Variants in PRELID2 observed in about 807,000 individuals in gnomAD.
The protein encoded by PRELID2 is PRELI domain containing 2, also known as PRELI domain-containing protein 2.
PRELID2 carries 25 observed loss-of-function variants against 28.4 expected under a neutral mutation model. The observed-to-expected ratio is 0.88, with a 90% CI of 0.64 to 1.23. PRELID2 has a LOEUF of 1.23. PRELID2 is among the 50% of genes most tolerant of loss of function. The probability of loss-of-function intolerance (pLI) is 0.00; values close to 1 mark genes in which losing one functional copy is unlikely to be tolerated. For missense variants in PRELID2, 201 were observed against 214.4 expected (o/e 0.94, Z 0.39); for synonymous variants, 76 against 71.6 (o/e 1.06, Z -0.31).
the PRELID2 span, among the ~76,000 whole-genome samples, chr5:145,239,112 C>A: frequency 1.3e-4 from 20 of 152,152 alleles, no homozygotes; most frequent in South Asian, 4.1e-4. Context: ...TCTACGAGGG[C>A]AAGTACTAAT....
At chr5:145,509,538 G>A (rs1028852944) in intron 1 of PRELID2, among the ~76,000 whole-genome samples, 1 of 152,148 alleles carries the variant, frequency 6.6e-6, no homozygotes, top group African/African-American at 2.4e-5. Context: ...CAGGGCAAGG[G>A]CCACCCTGCC....
rs567495148 is a variant in PRELID2 at position 145,562,848 on chromosome 5, T to A, written n.71-89533A>T. On this transcript the variant is annotated intron_variant and non_coding_transcript_variant, in intron 1 of 2. Coordinates refer to the PRELID2 transcript ENST00000510259. Reference sequence around the variant, plus strand: ...AAATTTAAACAAAATAAATACATAATTCTGGCACTTTAGGCCAAAGTAGAG... The same window carrying A: ...AAATTTAAACAAAATAAATACATAAATCTGGCACTTTAGGCCAAAGTAGAG... Among the ~76,000 whole-genome samples, 14 of 152,288 alleles carry A rather than the reference T, an allele frequency of 9.2e-5. No homozygotes were observed. The South Asian group carries it at 2.5e-3, about 27-fold the overall frequency.
intron 1 of PRELID2, among the ~76,000 whole-genome samples, chr5:145,829,595 C>A (rs1755448421): frequency 6.6e-6 from 1 of 152,152 alleles, no homozygotes. Context: ...AATCGAGGCA[C>A]AGAAAAATGA....
chr5:145,401,540 T>C, the PRELID2 span, among the ~76,000 whole-genome samples: 1 of 152,146 alleles, frequency 6.6e-6, no homozygotes, highest in East Asian at 1.9e-4. Context: ...TCCTTTAGTG[T>C]AACAAGCTCA....
chr5:145,698,147 G>T (rs1249750632), intron 1 of PRELID2, among the ~76,000 whole-genome samples: 1 of 152,072 alleles, frequency 6.6e-6, no homozygotes, highest in African/African-American at 2.4e-5. Flanking sequence ...AGAAAGTTTA[G>T]ATTTCAATTC....
intron 1 of PRELID2, among the ~76,000 whole-genome samples, chr5:145,657,415 G>A (rs992979070): frequency 6.6e-6 from 1 of 152,308 alleles, no homozygotes; most frequent in South Asian, 2.1e-4. Context: ...AATGAGGATC[G>A]TGGCTCATGC....
At chr5:145,729,200 T>C in intron 1 of PRELID2, 1 of 745,694 alleles carries the variant, frequency 1.3e-6, no homozygotes. Context: ...TGCTCTGGGT[T>C]TCGGAAGCAT....
the PRELID2 span, among the ~76,000 whole-genome samples, chr5:145,328,983 T>G: frequency 2.0e-5 from 3 of 152,202 alleles, no homozygotes; most frequent in Non-Finnish European, 4.4e-5. Flanking sequence ...CAGTTTCAGT[T>G]TTCTGCATAT....
At chr5:145,407,371 G>C in the PRELID2 span, among the ~76,000 whole-genome samples, 53 of 152,024 alleles carry the variant, frequency 3.5e-4, no homozygotes, top group Non-Finnish European at 7.4e-4. Context: ...TATATGATGG[G>C]GCAGAGGCAG....
intron 1 of PRELID2, among the ~76,000 whole-genome samples, chr5:145,746,841 C>CCA (rs1757003813): frequency 6.6e-6 from 1 of 152,162 alleles, no homozygotes; most frequent in Non-Finnish European, 1.5e-5. Flanking sequence ...GTCTCTCAGA[C>CCA]CACAGTGCAA....
At chr5:145,322,102 T>C in the PRELID2 span, among the ~76,000 whole-genome samples, 2 of 152,224 alleles carry the variant, frequency 1.3e-5, no homozygotes. Flanking sequence ...AGCTCTTGGC[T>C]CCTGTCTGTG....
the PRELID2 span, among the ~76,000 whole-genome samples, chr5:145,348,740 T>C: frequency 6.6e-6 from 1 of 152,102 alleles, no homozygotes. Flanking sequence ...TTCTAATTTG[T>C]TCATGCATTT....
At chr5:145,674,424 T>A (rs1056605066) in intron 1 of PRELID2, among the ~76,000 whole-genome samples, 1 of 149,870 alleles carries the variant, frequency 6.7e-6, no homozygotes, top group Non-Finnish European at 1.5e-5. Context: ...AAATAGAAAA[T>A]CCAGAAATAG....
chr5:145,536,180 C>T (rs73792613), intron 1 of PRELID2, among the ~76,000 whole-genome samples: 1,611 of 151,938 alleles, frequency 0.011, 33 homozygotes, highest in African/African-American at 0.037. Context: ...GATGGCTTCA[C>T]AAAAAGAAAT....
chr5:145,371,955 A>G, the PRELID2 span, among the ~76,000 whole-genome samples: 9 of 146,788 alleles, frequency 6.1e-5, no homozygotes, highest in Admixed American at 4.8e-4. Flanking sequence ...GTCTCCTTCA[A>G]TTCTGCTCTT....
the PRELID2 span, among the ~76,000 whole-genome samples, chr5:145,382,122 TAA>T: frequency 6.6e-6 from 1 of 151,752 alleles, no homozygotes; most frequent in African/African-American, 2.4e-5. Flanking sequence ...ACCAGAAACT[TAA>T]AAGTCACTGG....
the PRELID2 span, among the ~76,000 whole-genome samples, chr5:145,293,821 G>C: frequency 6.6e-6 from 1 of 152,182 alleles, no homozygotes; most frequent in South Asian, 2.1e-4. Context: ...ACCAGATGCT[G>C]GGATTAATGT....
downstream of PRELID2, among the ~76,000 whole-genome samples, chr5:145,753,158 G>C (rs181181947): frequency 6.6e-6 from 1 of 152,286 alleles, no homozygotes; most frequent in East Asian, 1.9e-4. Flanking sequence ...GGCACGAAAT[G>C]GCTCTAACCT....
At position 145,796,493 on chromosome 5, in the gene PRELID2, G is replaced by A; in HGVS notation, c.423C>T (p.Asn141=). 6.2e-7 allele frequency: 1 copy of A among 1,610,774 alleles called. No homozygotes were observed. The highest frequency in any genetic ancestry group is 1.1e-5 in the South Asian group (1 of 90,828). ...TGCTGGCAAAAGTTTCTAAAACACA[G>A]TTGAGAAATCCAACCCCTGTGATTG... ...RISITGVGFL[N]CVLETFASTF... is the part of the protein sequence containing the mutation. Residue 141 remains asparagine (N), a synonymous_variant, in exon 5 of 7, where the codon AAC becomes AAT. Transcript: ENST00000683046.
Sources: gnomAD v4.1 joint callset for allele counts (sites outside exome capture counted in the v4.1 genomes callset) on GRCh38, gnomAD v4.1.1 for gene constraint, MANE v1.5 for transcripts, NCBI Gene and HGNC (gene_info 2026-07-23, HGNC 2026-07-21) for gene names.